Variants in AUTS2 observed in about 807,000 individuals in gnomAD.
The protein encoded by AUTS2 is autism susceptibility gene 2 protein.
AUTS2 carries 17 observed loss-of-function variants against 112.4 expected under a neutral mutation model. The ratio of observed to expected loss-of-function variants is 0.15; its 90% CI spans 0.10 to 0.23. The LOEUF is 0.23. Ranked by LOEUF, AUTS2 falls within the 10% of genes least tolerant of loss-of-function variation. The pLI, the probability that AUTS2 is intolerant of heterozygous loss-of-function variation, is 1.00. For missense variants in AUTS2, 1,510 were observed against 1,701.6 expected (o/e 0.89, Z 1.98); for synonymous variants, 751 against 702.7 (o/e 1.07, Z -1.09).
intron 1 of AUTS2, among the ~76,000 whole-genome samples, chr7:69,672,063 CT>C (rs1366739076): frequency 1.0e-3 from 143 of 142,900 alleles, no homozygotes; most frequent in Middle Eastern, 3.5e-3. Flanking sequence ...TTTTCTTTTT[CT>C]TTTTTTTTTT....
chr7:70,147,082 C>T (rs1300123197), intron 4 of AUTS2, among the ~76,000 whole-genome samples: 3 of 151,986 alleles, frequency 2.0e-5, no homozygotes, highest in Non-Finnish European at 1.5e-5. Context: ...TTGGGCCAGG[C>T]ACAGTGGTGC....
rs780434156 is a variant in AUTS2 at position 70,766,397 on chromosome 7, G to A, written c.1689+63G>A. 32 of 1,582,288 alleles carry A rather than the reference G, an allele frequency of 2.0e-5. No homozygotes were observed. Among genetic ancestry groups the A allele is most frequent in the South Asian group, 1.7e-4 (15 of 87,448 alleles). On this transcript the variant is annotated intron_variant, in intron 9 of 18. Transcript: ENST00000342771. This position sits in a 1 kb window ranked among gnomAD's most constrained non-coding sequence, Gnocchi z 4.8. ...CACGACTCTTTTCTTTATGCAGCAC[G>A]TGGGACCGGGCTGGGCAGCGGGGCC...
intron 2 of AUTS2, among the ~76,000 whole-genome samples, chr7:70,047,620 C>T (rs780960950): frequency 7.2e-5 from 11 of 151,956 alleles, no homozygotes; most frequent in Non-Finnish European, 1.0e-4. Context: ...GTGAGTGGAG[C>T]GTTGGGCTTT....
intron 4 of AUTS2, among the ~76,000 whole-genome samples, chr7:70,146,451 A>G (rs1241582479): frequency 6.6e-6 from 1 of 152,144 alleles, no homozygotes; most frequent in African/African-American, 2.4e-5. Context: ...TCTTCACTAC[A>G]TACTTGAATT....
At chr7:69,625,899 G>A (rs963322416) in intron 1 of AUTS2, among the ~76,000 whole-genome samples, 5 of 151,974 alleles carry the variant, frequency 3.3e-5, no homozygotes, top group Admixed American at 1.3e-4. Flanking sequence ...GGAAAGGGAA[G>A]GAGAAGAAAG....
intron 4 of AUTS2, among the ~76,000 whole-genome samples, chr7:70,397,231 T>G (rs1364530336): frequency 6.6e-6 from 1 of 152,040 alleles, no homozygotes; most frequent in Non-Finnish European, 1.5e-5. Context: ...GTCTGGCTAA[T>G]TTTTTGTATT....
intron 4 of AUTS2, among the ~76,000 whole-genome samples, chr7:70,245,132 A>AGTG (rs1354504494): frequency 3.0e-5 from 3 of 98,994 alleles, no homozygotes; most frequent in African/African-American, 1.2e-4. Context: ...AAAAAAAAAA[A>AGTG]AGTGTGTGTG....
At chr7:69,822,004 T>G (rs546194931) in intron 1 of AUTS2, among the ~76,000 whole-genome samples, 5 of 151,440 alleles carry the variant, frequency 3.3e-5, no homozygotes, top group Admixed American at 2.0e-4. Flanking sequence ...AGCAGGGAAG[T>G]AACAAGATTA....
At chr7:70,754,362 G>T (rs568797952) in intron 6 of AUTS2, among the ~76,000 whole-genome samples, 1 of 152,212 alleles carries the variant, frequency 6.6e-6, no homozygotes, top group East Asian at 1.9e-4. Context: ...GGTGGCACAT[G>T]CCTCAGCCTC....
intron 5 of AUTS2, among the ~76,000 whole-genome samples, chr7:70,637,430 G>C (rs1203437039): frequency 2.0e-5 from 3 of 152,138 alleles, no homozygotes; most frequent in African/African-American, 7.2e-5. Flanking sequence ...CAAAGTAAGG[G>C]ACACAGAGCT....
intron 5 of AUTS2, among the ~76,000 whole-genome samples, chr7:70,500,187 A>C (rs1798717225): frequency 6.6e-6 from 1 of 150,540 alleles, no homozygotes; most frequent in Non-Finnish European, 1.5e-5. Flanking sequence ...AAAAAAAAAA[A>C]CAAAACAAAA....
chr7:70,064,603 G>A (rs958314714), intron 2 of AUTS2, among the ~76,000 whole-genome samples: 1 of 152,046 alleles, frequency 6.6e-6, no homozygotes, highest in African/African-American at 2.4e-5. Flanking sequence ...GCTTGGTGTT[G>A]GTCATTGTTT....
At chr7:70,290,335 G>C in intron 4 of AUTS2, 1 of 1,462,480 alleles carries the variant, frequency 6.8e-7, no homozygotes. Flanking sequence ...ACATTCTTTT[G>C]AATCATTTGA....
intron 2 of AUTS2, among the ~76,000 whole-genome samples, chr7:70,102,115 CTTTTTTTTTT>C (rs537710268): frequency 2.4e-5 from 3 of 127,190 alleles, no homozygotes; most frequent in South Asian, 2.5e-4. Flanking sequence ...GCAGTGTTTA[CTTTTTTTTTT>C]TTTTTTTTTT....
At chr7:69,667,269 G>A (rs1404111163) in intron 1 of AUTS2, among the ~76,000 whole-genome samples, 3 of 152,062 alleles carry the variant, frequency 2.0e-5, no homozygotes, top group Non-Finnish European at 2.9e-5. Context: ...GCTACATTGA[G>A]GATTAAGTTT....
intron 4 of AUTS2, among the ~76,000 whole-genome samples, chr7:70,344,038 T>G (rs1374029632): frequency 6.6e-6 from 1 of 152,004 alleles, no homozygotes; most frequent in African/African-American, 2.4e-5. Flanking sequence ...AGGTGCAAAA[T>G]GTAAGGGGGC....
chr7:69,722,847 CTT>C (rs202247654), intron 1 of AUTS2, among the ~76,000 whole-genome samples: 1 of 144,820 alleles, frequency 6.9e-6, no homozygotes. Flanking sequence ...TCTGGAATTG[CTT>C]TTTTTTTTTT....
intron 1 of AUTS2, among the ~76,000 whole-genome samples, chr7:69,763,925 G>A (rs1451672447): frequency 6.6e-6 from 1 of 152,148 alleles, no homozygotes; most frequent in Non-Finnish European, 1.5e-5. Context: ...ACTTTGACTT[G>A]GTAGGTACCT....
At chr7:69,811,832 C>T (rs964911493) in intron 1 of AUTS2, among the ~76,000 whole-genome samples, 1 of 152,100 alleles carries the variant, frequency 6.6e-6, no homozygotes, top group Admixed American at 6.5e-5. Flanking sequence ...GTGTGTTTTC[C>T]CTCTGGATTC....
Sources: allele counts gnomAD v4.1 joint callset (sites outside exome capture counted in the v4.1 genomes callset), GRCh38; gene constraint gnomAD v4.1.1; non-coding constraint Gnocchi (gnomAD v3.1); transcripts MANE v1.5; gene names NCBI Gene and HGNC (gene_info 2026-07-23, HGNC 2026-07-21).